ART1: variants seen among roughly 807,000 people sequenced by gnomAD.
ART1 encodes the protein GPI-linked NAD(P)(+)--arginine ADP-ribosyltransferase 1.
A neutral mutation model predicts 27.0 loss-of-function variants in ART1; 29 were observed. The observed-to-expected ratio is 1.08, with a 90% CI of 0.80 to 1.47. The LOEUF (loss-of-function observed/expected upper bound fraction) is 1.47. ART1 is among the 40% of genes most tolerant of loss of function. The pLI, the probability that ART1 is intolerant of heterozygous loss-of-function variation, is 0.00. For synonymous variants in ART1, 201 were observed against 172.2 expected, an observed-to-expected ratio of 1.17 and a Z score of -1.31; for missense variants, 480 against 423.0, an observed-to-expected ratio of 1.13 and a Z score of -1.18.
chr11:3,659,860 A>G lies in ART1; in HGVS notation c.341A>G (p.His114Arg), dbSNP rs781161695. ...CCACCCCTGGGCTTCCGCGATGAGC[A>G]TGGGGTGGCCCTCCTGGCCTACACA... ...SPPPLGFRDE[H>R]GVALLAYTAN... Residue 114 changes from histidine (H) to arginine (R), a missense_variant, in exon 3 of 5, where the codon CAT becomes CGT. Transcript: ENST00000250693. 2 of 1,612,778 alleles carry G rather than the reference A, an allele frequency of 1.2e-6. No individual in the cohort carries two copies. The highest frequency in any genetic ancestry group is 1.7e-6 in the Non-Finnish European group (2 of 1,179,662).
At chr11:3,658,629 G>T (rs1391437581) in intron 1 of ART1, among the ~76,000 whole-genome samples, 3 of 152,096 alleles carry the variant, frequency 2.0e-5, no homozygotes, top group Non-Finnish European at 2.9e-5. Flanking sequence ...GGGGCAACTG[G>T]TGGACCAAGC....
intron 1 of ART1, among the ~76,000 whole-genome samples, chr11:3,658,802 T>C (rs1396465299): frequency 6.6e-6 from 1 of 152,186 alleles, no homozygotes; most frequent in Non-Finnish European, 1.5e-5. Flanking sequence ...CCAACGTTCC[T>C]ACCCCGCAAG....
At chr11:3,648,884 C>T (rs372661167) in intron 1 of ART1, among the ~76,000 whole-genome samples, 135 of 152,172 alleles carry the variant, frequency 8.9e-4, no homozygotes, top group East Asian at 2.5e-3. Flanking sequence ...TCACCCTTAG[C>T]GGCAAGTCCC....
At position 3,664,325 on chromosome 11, in the gene ART1, AGACCGGCTGGTG is replaced by A; in HGVS notation, c.*139_*150del. 4 of 812,286 alleles carry A rather than the reference AGACCGGCTGGTG, an allele frequency of 4.9e-6. No individual in the cohort carries two copies. Among genetic ancestry groups the A allele is most frequent in the Non-Finnish European group, 8.0e-6 (4 of 503,050 alleles). The allele number at this position is 812,286 out of a possible 1,614,324, so 50.3% of individuals were successfully genotyped here. A position where few individuals can be genotyped will look rare whatever the true frequency, so the allele number is the denominator to read the frequency against. ...TCTGGGACCTTCTCTGGTAGCTGCC[AGACCGGCTGGTG>A]GAGAAACAGGAGACAATCTGGGGAC... On this transcript the variant is annotated 3_prime_UTR_variant, in exon 5 of 5. Transcript: ENST00000250693.
Position 3,664,201 on chromosome 11 carries a change from C to T in ART1, c.*12C>T, listed in dbSNP as rs777626849. The T allele has an allele frequency of 7.9e-5, 128 of 1,612,188 alleles. 1 individual carries two copies. The Middle Eastern group carries it at 1.3e-3, about 17-fold the overall frequency. On this transcript the variant is annotated 3_prime_UTR_variant, in exon 5 of 5. Transcript: ENST00000250693. ...CAGGCCTCCTTTGATGCATGAGACACGGGACAGCCTCGCCTGCTGCCTCTG... is the reference window on the plus strand; with the variant it reads ...CAGGCCTCCTTTGATGCATGAGACATGGGACAGCCTCGCCTGCTGCCTCTG...
intron 1 of ART1, among the ~76,000 whole-genome samples, chr11:3,651,703 C>G (rs938144142): frequency 7.0e-6 from 1 of 142,750 alleles, no homozygotes; most frequent in Non-Finnish European, 1.5e-5. Context: ...GATGCATATA[C>G]TTTCTGATCC....
At chr11:3,663,200 A>C (rs2077636697) in intron 4 of ART1, among the ~76,000 whole-genome samples, 1 of 151,966 alleles carries the variant, frequency 6.6e-6, no homozygotes, top group Middle Eastern at 3.2e-3. Flanking sequence ...GCAGAACAGG[A>C]GGCATTACCC....
chr11:3,651,847 A>C (rs2077524559), intron 1 of ART1, among the ~76,000 whole-genome samples: 1 of 150,386 alleles, frequency 6.6e-6, no homozygotes, highest in Non-Finnish European at 1.5e-5. Flanking sequence ...TCTCTGATCC[A>C]CCTGACATTC....
chr11:3,648,800 C>T (rs2077490017), intron 1 of ART1, among the ~76,000 whole-genome samples: 1 of 152,176 alleles, frequency 6.6e-6, no homozygotes, highest in Admixed American at 6.5e-5. Flanking sequence ...AGTACCCCAA[C>T]CCCTTTTCTC....
At chr11:3,653,653 T>A (rs1050594413) in intron 1 of ART1, among the ~76,000 whole-genome samples, 12 of 152,084 alleles carry the variant, frequency 7.9e-5, no homozygotes, top group African/African-American at 2.6e-4. Context: ...GAGCTTCGTA[T>A]TTTTTTTAAA....
chr11:3,661,597 C>T (rs1163785554), intron 4 of ART1, among the ~76,000 whole-genome samples, 184 bp downstream of exon 4: 1 of 151,018 alleles, frequency 6.6e-6, no homozygotes, highest in African/African-American at 2.4e-5. Context: ...CGGGTTCAAG[C>T]CATTCTCCTG....
At chr11:3,653,142 T>C (rs1280909478) in intron 1 of ART1, among the ~76,000 whole-genome samples, 5 of 148,328 alleles carry the variant, frequency 3.4e-5, no homozygotes, top group Admixed American at 1.3e-4. Flanking sequence ...CCATTATCTC[T>C]CCACACCACC....
chr11:3,661,465 C>A, intron 4 of ART1, 52 bp downstream of exon 4: 3 of 1,082,020 alleles, frequency 2.8e-6, no homozygotes, highest in Non-Finnish European at 4.0e-6. Context: ...GCAGGCTGCT[C>A]TGGGGTTGGC....
intron 4 of ART1, among the ~76,000 whole-genome samples, chr11:3,661,644 A>G (rs1012264578): frequency 6.6e-6 from 1 of 151,850 alleles, no homozygotes; most frequent in South Asian, 2.1e-4. Flanking sequence ...TTACAGGCGC[A>G]TGCCACCAAG....
chr11:3,649,348 C>T (rs1383063642), intron 1 of ART1, among the ~76,000 whole-genome samples: 1 of 152,220 alleles, frequency 6.6e-6, no homozygotes, highest in East Asian at 1.9e-4. Context: ...ATTTTTCCAT[C>T]CTGCAAGATC....
chr11:3,655,216 A>T (rs970901786), intron 1 of ART1, among the ~76,000 whole-genome samples: 1 of 152,212 alleles, frequency 6.6e-6, no homozygotes. Flanking sequence ...TTCCAAAGAA[A>T]AGACTCTCAG....
At chr11:3,652,075 G>A (rs566111893) in intron 1 of ART1, among the ~76,000 whole-genome samples, 109 of 151,236 alleles carry the variant, frequency 7.2e-4, no homozygotes, top group South Asian at 1.7e-3. Flanking sequence ...CTGCTATTCT[G>A]CTACTCCTCA....
chr11:3,659,259 C>A lies in ART1; in HGVS notation c.46C>A (p.Leu16Ile). The change falls in exon 2 of 5, where the codon CTC becomes ATC. Residue 16 changes from leucine (L) to isoleucine (I), a missense_variant. Coordinates refer to ENST00000250693, the MANE Select transcript of ART1 (RefSeq NM_004314.3). ...MMSLLLVSVG[L>I]MEALQAQSHP... ...GTCTCTGCTTCTTGTGTCTGTGGGC[C>A]TCATGGAAGCACTTCAGGTATGGGC... 3 of 1,614,184 alleles carry A rather than the reference C, an allele frequency of 1.9e-6. No individual in the cohort carries two copies. Among genetic ancestry groups the A allele is most frequent in the Non-Finnish European group, 2.5e-6 (3 of 1,180,044 alleles).
chr11:3,655,995 C>T (rs898731419), intron 1 of ART1, among the ~76,000 whole-genome samples: 1 of 138,436 alleles, frequency 7.2e-6, no homozygotes, highest in East Asian at 2.1e-4. Flanking sequence ...AGCAATGGTG[C>T]GATCTCGGGT....
Sources: allele counts gnomAD v4.1 joint callset (sites outside exome capture counted in the v4.1 genomes callset), GRCh38; gene constraint gnomAD v4.1.1; transcripts MANE v1.5; gene names NCBI Gene and HGNC (gene_info 2026-07-23, HGNC 2026-07-21).